The following SULF1 variants were observed in gnomAD, a reference collection of about 807,000 sequenced individuals.
SULF1 encodes the protein sulfatase 1.
In SULF1, 46 loss-of-function variants were observed where a neutral mutation model predicts 110.5. That is an observed-to-expected ratio of 0.42 (90% CI 0.33 to 0.53). The LOEUF (loss-of-function observed/expected upper bound fraction) is 0.53. SULF1 is among the 20% of genes least tolerant of loss of function. The probability of loss-of-function intolerance (pLI) is 0.12; values close to 1 mark genes in which losing one functional copy is unlikely to be tolerated. For synonymous variants in SULF1, 371 were observed against 387.1 expected (o/e 0.96, Z 0.49); for missense variants, 941 against 1,094.2 (o/e 0.86, Z 1.98).
chr8:69,513,657 A>G (rs923635144), intron 3 of SULF1, among the ~76,000 whole-genome samples: 2 of 152,214 alleles, frequency 1.3e-5, no homozygotes, highest in African/African-American at 4.8e-5. Flanking sequence ...AGGTAATTTA[A>G]TTTGAACAAA....
At chr8:69,593,559 T>C (rs1308369414) in intron 8 of SULF1, among the ~76,000 whole-genome samples, 1 of 152,220 alleles carries the variant, frequency 6.6e-6, no homozygotes, top group Non-Finnish European at 1.5e-5. Flanking sequence ...CCAAGGTGTT[T>C]GCCGTTCCCA....
chr8:69,616,210 G>GTA (rs758049085), intron 13 of SULF1, among the ~76,000 whole-genome samples: 144 of 140,118 alleles, frequency 1.0e-3, no homozygotes, highest in Middle Eastern at 7.4e-3. Context: ...ATATGTGTGT[G>GTA]TATATATATA....
chr8:69,535,379 A>C (rs528965502), intron 3 of SULF1, among the ~76,000 whole-genome samples: 133 of 152,290 alleles, frequency 8.7e-4, no homozygotes, highest in Admixed American at 2.7e-3. Context: ...TCAGCCTTTA[A>C]AACAATCACT....
chr8:69,624,257 T>C, intron 15 of SULF1, 60 bp downstream of exon 15: 1 of 1,514,804 alleles, frequency 6.6e-7, no homozygotes, highest in Non-Finnish European at 8.8e-7. Context: ...CAACACACCA[T>C]ATTATCACCA....
chr8:69,640,079 G>C (rs1228689377), intron 21 of SULF1, among the ~76,000 whole-genome samples: 2 of 151,086 alleles, frequency 1.3e-5, no homozygotes, highest in Non-Finnish European at 2.9e-5. Flanking sequence ...AAAAAAGAGA[G>C]AGAGAGAGGG....
intron 13 of SULF1, among the ~76,000 whole-genome samples, chr8:69,619,507 G>A (rs535537780): frequency 6.6e-6 from 1 of 152,220 alleles, no homozygotes; most frequent in Non-Finnish European, 1.5e-5. Flanking sequence ...GTAAGTGCAA[G>A]GACACTTAGT....
At chr8:69,573,767 C>A (rs1805409442) in intron 5 of SULF1, among the ~76,000 whole-genome samples, 1 of 152,220 alleles carries the variant, frequency 6.6e-6, no homozygotes, top group South Asian at 2.1e-4. Flanking sequence ...TCAACCAACA[C>A]AAATATAAAA....
chr8:69,652,019 G>T (rs1021145153), intron 22 of SULF1, among the ~76,000 whole-genome samples: 1 of 152,124 alleles, frequency 6.6e-6, no homozygotes, highest in Non-Finnish European at 1.5e-5. Flanking sequence ...TCTAGAGGCT[G>T]CCTGCATTCC....
chr8:69,543,202 T>TTTG lies in SULF1; in HGVS notation c.-133-20319_-133-20317dup, dbSNP rs376602825. Among the ~76,000 whole-genome samples the TTTG allele has an allele frequency of 4.3e-3, 661 of 152,174 alleles. 6 individuals carry two copies. The highest frequency in any genetic ancestry group is 0.015 in the African/African-American group (630 of 41,488). On this transcript the variant is annotated intron_variant, in intron 3 of 22. Coordinates refer to ENST00000402687, the MANE Select transcript of SULF1 (RefSeq NM_001128205.2). ...TATAAATTAAGCCCCTGGTTTTGTT[T>TTTG]TTGTTGTTGTTGTTGTTGTTTATTT...
chr8:69,613,591 G>A (rs1270298653), intron 13 of SULF1, among the ~76,000 whole-genome samples: 2 of 152,232 alleles, frequency 1.3e-5, no homozygotes, highest in East Asian at 3.9e-4. Context: ...TAGATATGAA[G>A]AGACTGAAAC....
At chr8:69,620,524 G>A (rs1348764672) in intron 13 of SULF1, among the ~76,000 whole-genome samples, 1 of 152,206 alleles carries the variant, frequency 6.6e-6, no homozygotes, top group Non-Finnish European at 1.5e-5. Flanking sequence ...AATGTCTGGG[G>A]TATATGAGAG....
chr8:69,647,157 C>A (rs918560742), intron 22 of SULF1, among the ~76,000 whole-genome samples: 1 of 151,688 alleles, frequency 6.6e-6, no homozygotes, highest in Admixed American at 6.6e-5. Flanking sequence ...GTTCGTCAGG[C>A]TGGTCTCGAA....
chr8:69,479,352 C>T (rs1042661832), intron 1 of SULF1, among the ~76,000 whole-genome samples: 2 of 152,050 alleles, frequency 1.3e-5, no homozygotes, highest in African/African-American at 2.4e-5. Flanking sequence ...CACTATCTGC[C>T]GCATAGCATA....
In SULF1 at chr8:69,576,228, A is replaced by T. The variant is rs1384693554; in HGVS notation, c.412+19A>T. On this transcript the variant is annotated intron_variant, in intron 6 of 22. Transcript: ENST00000402687. Reference sequence around the variant, plus strand: ...AGAACAGGTAAGGGATGACGTTTCTAGCCCATGAACGTCTTGTAATATGTC... The same window carrying T: ...AGAACAGGTAAGGGATGACGTTTCTTGCCCATGAACGTCTTGTAATATGTC... The T allele has an allele frequency of 4.3e-6, 7 of 1,609,874 alleles. No homozygotes were observed. Among genetic ancestry groups the T allele is most frequent in the Non-Finnish European group, 5.9e-6 (7 of 1,177,342 alleles).
chr8:69,660,259 C>T lies in SULF1; in HGVS notation c.*1724C>T, dbSNP rs1385399319. The stretch of plus-strand genomic sequence containing the variant: ...ACTAGTTTTGAATTTACACCAAGAA[C>T]TTCTCAATAAAAGAAAATCATGAAT... On this transcript the variant is annotated 3_prime_UTR_variant, in exon 23 of 23. Coordinates refer to ENST00000402687, the MANE Select transcript of SULF1 (RefSeq NM_001128205.2). 1 of 152,062 alleles carries T rather than the reference C, an allele frequency of 6.6e-6. No homozygotes were observed. Among genetic ancestry groups the T allele is most frequent in the African/African-American group, 2.4e-5 (1 of 41,410 alleles). The allele number at this position is 152,062 out of a possible 1,614,324, so 9.4% of individuals were successfully genotyped here. A position where few individuals can be genotyped will look rare whatever the true frequency, so the allele number is the denominator to read the frequency against.
chr8:69,489,778 A>G (rs766214659), upstream of SULF1, among the ~76,000 whole-genome samples: 9 of 151,884 alleles, frequency 5.9e-5, no homozygotes, highest in Non-Finnish European at 1.3e-4. Flanking sequence ...GGGTTTCACC[A>G]TGTTAGCCAG....
At chr8:69,587,562 A>C (rs1806563005) in intron 7 of SULF1, among the ~76,000 whole-genome samples, 1 of 152,232 alleles carries the variant, frequency 6.6e-6, no homozygotes, top group African/African-American at 2.4e-5. Flanking sequence ...TTGGAGGCAA[A>C]TTTGAGCAAT....
intron 8 of SULF1, chr8:69,593,043 T>C (rs1014738320): frequency 2.4e-6 from 2 of 824,070 alleles, no homozygotes; most frequent in African/African-American, 3.7e-5. Context: ...TGTGATTGTT[T>C]GAAGGATTCA....
chr8:69,493,851 A>T (rs1249552836), intron 1 of SULF1, among the ~76,000 whole-genome samples: 1 of 152,250 alleles, frequency 6.6e-6, no homozygotes, highest in African/African-American at 2.4e-5. Context: ...GTGCTGAATT[A>T]ACAGAGTACT....
Sources: allele counts gnomAD v4.1 joint callset (sites outside exome capture counted in the v4.1 genomes callset), GRCh38; gene constraint gnomAD v4.1.1; transcripts MANE v1.5; gene names NCBI Gene and HGNC (gene_info 2026-07-23, HGNC 2026-07-21).